The following MYH14 variants were observed in gnomAD, a reference collection of about 807,000 sequenced individuals.
The protein encoded by MYH14 is myosin heavy chain 14.
MYH14 carries 123 observed loss-of-function variants against 255.5 expected under a neutral mutation model. That is an observed-to-expected ratio of 0.48 (90% CI 0.42 to 0.56). The LOEUF (loss-of-function observed/expected upper bound fraction) is 0.56. Among genes scored for constraint, MYH14 ranks in the 20% least tolerant of loss-of-function variants. The probability of loss-of-function intolerance (pLI) is 0.00; values close to 1 mark genes in which losing one functional copy is unlikely to be tolerated. For synonymous variants in MYH14, 1,095 were observed against 1,161.2 expected (o/e 0.94, Z 1.16); for missense variants, 2,423 against 2,802.3 (o/e 0.86, Z 3.06).
chr19:50,286,359 C>A, intron 33 of MYH14, 123 bp from the exon 34 acceptor site: 1 of 981,318 alleles, frequency 1.0e-6, no homozygotes, highest in Non-Finnish European at 1.5e-6. Flanking sequence ...CCTCTTGTGT[C>A]TCTGCCTTTG....
intron 40 of MYH14, among the ~76,000 whole-genome samples, 180 bp from the exon 41 acceptor site, chr19:50,306,869 G>A (rs907886949): frequency 7.9e-5 from 12 of 152,204 alleles, no homozygotes; most frequent in Admixed American, 3.3e-4. Flanking sequence ...CATGGATGCC[G>A]AGGAGAAGGC....
chr19:50,307,762 C>CT (rs1161030798), intron 41 of MYH14, among the ~76,000 whole-genome samples: 5 of 152,306 alleles, frequency 3.3e-5, no homozygotes, highest in Middle Eastern at 3.4e-3. Flanking sequence ...GAAACTGAAA[C>CT]TTTAAGAGGA....
chr19:50,252,722 A>C lies in MYH14; in HGVS notation c.1914A>C (p.Thr638=). The C allele has an allele frequency of 6.3e-7, 1 of 1,597,992 alleles. No individual in the cohort carries two copies. Among genetic ancestry groups the C allele is most frequent in the South Asian group, 1.1e-5 (1 of 88,202 alleles). Residue 638 remains threonine (T), a synonymous_variant, in exon 16 of 43, where the codon ACA becomes ACC. Transcript: ENST00000642316. The surrounding 1 kb of genome is among the most constrained non-coding windows in gnomAD (Gnocchi z 4.2). The part of the protein sequence containing the change: ...DNVAALLHQS[T]DRLTAEIWKD... ...TCGCAGCCTTGCTCCACCAGAGCAC[A>C]GACCGGCTGACGGCAGAGATCTGGA...
intron 27 of MYH14, among the ~76,000 whole-genome samples, 195 bp from the exon 28 acceptor site, chr19:50,275,796 A>G (rs1184724064): frequency 6.6e-6 from 1 of 152,230 alleles, no homozygotes; most frequent in Non-Finnish European, 1.5e-5. Flanking sequence ...ACTGCACTCC[A>G]GCATGGGCAG....
At chr19:50,262,551 A>G (rs2034923042) in intron 21 of MYH14, among the ~76,000 whole-genome samples, 1 of 151,588 alleles carries the variant, frequency 6.6e-6, no homozygotes, top group Non-Finnish European at 1.5e-5. Flanking sequence ...AAAAAAAAAA[A>G]AGCTGAAAGA....
rs199511649 is a variant in MYH14, at chr19:50,217,788, G to A, written c.562+17G>A. On this transcript the variant is annotated intron_variant, in intron 3 of 42. Coordinates refer to ENST00000642316, the MANE Select transcript of MYH14 (RefSeq NM_001145809.2). ...TGCTGCAGGGTGAGTGCTGGGTGGGGCTGTAGGCCAGCGAGGCGGCTCTTC... is the reference window on the plus strand; with the variant it reads ...TGCTGCAGGGTGAGTGCTGGGTGGGACTGTAGGCCAGCGAGGCGGCTCTTC... The A allele has an allele frequency of 1.9e-6, 3 of 1,609,252 alleles. No homozygotes were observed. Among genetic ancestry groups the A allele is most frequent in the East Asian group, 2.2e-5 (1 of 44,804 alleles).
At position 50,252,991 on chromosome 19, in the gene MYH14, G is replaced by A. The variant is rs186689860; in HGVS notation, c.1945+238G>A. Reference sequence around the variant, plus strand: ...ATCCTTCTCAAGGATAAAGCACTCCGCCTTAATCAGAAACGTGGCAAAGAT... The same window carrying A: ...ATCCTTCTCAAGGATAAAGCACTCCACCTTAATCAGAAACGTGGCAAAGAT... On this transcript the variant is annotated intron_variant, in intron 16 of 42. Coordinates refer to ENST00000642316, the MANE Select transcript of MYH14 (RefSeq NM_001145809.2). The surrounding 1 kb of genome is among the most constrained non-coding windows in gnomAD (Gnocchi z 4.2). Among the ~76,000 whole-genome samples, 18 of 152,292 alleles carry A rather than the reference G, an allele frequency of 1.2e-4. No individual in the cohort carries two copies. Among genetic ancestry groups the A allele is most frequent in the East Asian group, 5.8e-4 (3 of 5,186 alleles).
chr19:50,272,013 A>G (rs1486002549), intron 26 of MYH14, 41 bp downstream of exon 26: 2 of 1,593,554 alleles, frequency 1.3e-6, no homozygotes, highest in Admixed American at 1.8e-5. Flanking sequence ...TGTGTGCTCT[A>G]ATGGGGGACC....
At chr19:50,245,443 GAAAGAAA>G (rs1568493017) in intron 11 of MYH14, among the ~76,000 whole-genome samples, 5 of 128,404 alleles carry the variant, frequency 3.9e-5, no homozygotes, top group African/African-American at 8.8e-5. Flanking sequence ...GAAGAAGAAA[GAAAGAAA>G]AAGAAGAAGA....
rs559026403 is a variant in MYH14 at position 50,250,108 on chromosome 19, G to GT, written c.1656+292dup. 2.1e-3 allele frequency among the ~76,000 whole-genome samples: 317 copies of GT among 152,050 alleles called. 2 individuals are homozygous for GT. Among genetic ancestry groups the GT allele is most frequent in the Non-Finnish European group, 2.1e-3 (145 of 68,000 alleles). Reference sequence around the variant, plus strand: ...TTGTTTGTTTGTTTTGTTTTGTTTTGTTTTTTTCTTGAGACGGAGTCTCGC... The same window carrying GT: ...TTGTTTGTTTGTTTTGTTTTGTTTTGTTTTTTTTCTTGAGACGGAGTCTCGC... On this transcript the variant is annotated intron_variant, in intron 14 of 42. Coordinates refer to ENST00000642316, the MANE Select transcript of MYH14 (RefSeq NM_001145809.2). This position sits in a 1 kb window ranked among gnomAD's most constrained non-coding sequence, Gnocchi z 5.4.
At chr19:50,294,883 G>A (rs2036209121) in intron 39 of MYH14, among the ~76,000 whole-genome samples, 1 of 151,262 alleles carries the variant, frequency 6.6e-6, no homozygotes, top group Non-Finnish European at 1.5e-5. Flanking sequence ...GAGACATTGA[G>A]TTTATAATGT....
At chr19:50,284,989 C>A (rs556580115) in intron 33 of MYH14, 1 of 149,740 alleles carries the variant, frequency 6.7e-6, no homozygotes. Context: ...TTCTGCTTCC[C>A]GGGTTCAAGC....
At chr19:50,302,866 C>T (rs985382977) in intron 40 of MYH14, among the ~76,000 whole-genome samples, 6 of 151,798 alleles carry the variant, frequency 4.0e-5, no homozygotes, top group African/African-American at 1.5e-4. Context: ...CACGCCATTG[C>T]ACTCCAGCTT....
chr19:50,288,097 C>T (rs934042949), intron 34 of MYH14, among the ~76,000 whole-genome samples: 3 of 152,196 alleles, frequency 2.0e-5, no homozygotes, highest in Non-Finnish European at 4.4e-5. Context: ...CAAAATGACC[C>T]GCCACATCCT....
chr19:50,309,484 C>G, intron 42 of MYH14, 156 bp from the exon 43 acceptor site: 1 of 642,770 alleles, frequency 1.6e-6, no homozygotes, highest in Non-Finnish European at 2.8e-6. Flanking sequence ...CCGTCTCCCT[C>G]CATTTCTCTT....
chr19:50,226,741 C>T (rs540985495), intron 7 of MYH14, among the ~76,000 whole-genome samples, 162 bp from the exon 8 acceptor site: 2 of 152,126 alleles, frequency 1.3e-5, no homozygotes, highest in African/African-American at 4.8e-5. Context: ...AGGAGCCCCC[C>T]GATGGGGACT....
At chr19:50,308,881 A>G in intron 41 of MYH14, 124 bp from the exon 42 acceptor site, 1 of 948,976 alleles carries the variant, frequency 1.1e-6, no homozygotes, top group Non-Finnish European at 1.6e-6. Context: ...GCCTAAACAG[A>G]GAGCAGAGGA....
chr19:50,219,148 A>T (rs1048976138), intron 3 of MYH14, among the ~76,000 whole-genome samples: 2 of 147,008 alleles, frequency 1.4e-5, no homozygotes, highest in Non-Finnish European at 3.0e-5. Flanking sequence ...ACCATGGAAT[A>T]CATATATATA....
chr19:50,230,790 G>C lies in MYH14; in HGVS notation c.973+167G>C. The C allele has an allele frequency of 1.6e-6, 1 of 623,034 alleles. No individual in the cohort carries two copies. The highest frequency in any genetic ancestry group is 2.8e-6 in the Non-Finnish European group (1 of 352,314). 38.6% of individuals were successfully genotyped at this position (623,034 alleles called of 1,614,324 possible). ...CTGCTCTCGCTGCGTAGTGGCGTCT[G>C]TCGCACGGTGGGTTCTGCTGCGCTC... On this transcript the variant is annotated intron_variant, in intron 9 of 42. Coordinates refer to ENST00000642316, the MANE Select transcript of MYH14 (RefSeq NM_001145809.2). This position sits in a 1 kb window ranked among gnomAD's most constrained non-coding sequence, Gnocchi z 4.7.
Sources: allele counts gnomAD v4.1 joint callset (sites outside exome capture counted in the v4.1 genomes callset), GRCh38; gene constraint gnomAD v4.1.1; non-coding constraint Gnocchi (gnomAD v3.1); transcripts MANE v1.5; gene names NCBI Gene and HGNC (gene_info 2026-07-23, HGNC 2026-07-21).